Variants in RTRAF observed in about 807,000 individuals in gnomAD.
RTRAF encodes tRNA-splicing ligase complex subunit RTRAF.
Under a neutral mutation model 34.4 loss-of-function variants are expected in RTRAF, and 14 were observed. That is an observed-to-expected ratio of 0.41 (90% CI 0.27 to 0.64). The LOEUF (loss-of-function observed/expected upper bound fraction) is 0.64. Ranked by LOEUF, RTRAF falls within the 30% of genes least tolerant of loss-of-function variation. RTRAF has a pLI of 0.34. For synonymous variants in RTRAF, 96 were observed against 95.3 expected, an observed-to-expected ratio of 1.01 and a Z score of -0.04; for missense variants, 291 against 288.4, an observed-to-expected ratio of 1.01 and a Z score of -0.06.
At position 52,006,393 on chromosome 14, in the gene RTRAF, C is replaced by A; in HGVS notation, c.*1877C>A. Reference sequence around the variant, plus strand: ...AGGATGAAAAACATCCTTGAAGGATCTTATCTGCCAATGAGGAGGTGATGA... The same window carrying A: ...AGGATGAAAAACATCCTTGAAGGATATTATCTGCCAATGAGGAGGTGATGA... On this transcript the variant is annotated 3_prime_UTR_variant, in exon 8 of 8. Transcript: ENST00000261700. 1 of 821,764 alleles carries A rather than the reference C, an allele frequency of 1.2e-6. No homozygotes were observed. Among genetic ancestry groups the A allele is most frequent in the South Asian group, 1.8e-5 (1 of 56,304 alleles). The allele number at this position is 821,764 out of a possible 1,614,324, so 50.9% of individuals were successfully genotyped here. A position where few individuals can be genotyped will look rare whatever the true frequency, so the allele number is the denominator to read the frequency against.
In RTRAF at chr14:52,005,522, C is replaced by CAGGGTGGTGGGTGAGT; in HGVS notation, c.*1008_*1023dup. On this transcript the variant is annotated 3_prime_UTR_variant, in exon 8 of 8. Transcript: ENST00000261700. ...CTGTGAGAGAAGAGCAGGGGTGGGACAGGGTGGTGGGTGAGTATATTGTAA... is the reference window on the plus strand; with the variant it reads ...CTGTGAGAGAAGAGCAGGGGTGGGACAGGGTGGTGGGTGAGTAGGGTGGTGGGTGAGTATATTGTAA... 2 of 1,594,858 alleles carry CAGGGTGGTGGGTGAGT rather than the reference C, an allele frequency of 1.3e-6. No individual in the cohort carries two copies. Among genetic ancestry groups the CAGGGTGGTGGGTGAGT allele is most frequent in the Non-Finnish European group, 1.7e-6 (2 of 1,172,790 alleles).
intron 1 of RTRAF, 137 bp downstream of exon 1, chr14:51,989,837 G>A: frequency 1.3e-6 from 1 of 776,260 alleles, no homozygotes; most frequent in Non-Finnish European, 2.0e-6. Context: ...CCTCTCCTCT[G>A]GGTCGCCACG....
chr14:52,005,720 T>G lies in RTRAF; in HGVS notation c.*1204T>G, dbSNP rs1173349838. ...ACCCTGCTAATTTAAAGGAGCATCCTAAAGCATACTTTTTACCTGTTGGGC... is the reference window on the plus strand; with the variant it reads ...ACCCTGCTAATTTAAAGGAGCATCCGAAAGCATACTTTTTACCTGTTGGGC... On this transcript the variant is annotated 3_prime_UTR_variant, in exon 8 of 8. Transcript: ENST00000261700. The G allele has an allele frequency of 1.9e-6, 3 of 1,590,892 alleles. No homozygotes were observed. The highest frequency in any genetic ancestry group is 1.1e-5 in the South Asian group (1 of 90,538).
At position 52,005,684 on chromosome 14, in the gene RTRAF, A is replaced by G; in HGVS notation, c.*1168A>G. 1 of 1,455,610 alleles carries G rather than the reference A, an allele frequency of 6.9e-7. No homozygotes were observed. The highest frequency in any genetic ancestry group is 1.4e-5 in the African/African-American group (1 of 71,898). The allele number at this position is 1,455,610 out of a possible 1,614,324, so 90.2% of individuals were successfully genotyped here. A position where few individuals can be genotyped will look rare whatever the true frequency, so the allele number is the denominator to read the frequency against. ...GCAGGGGTAATCAAATACCATATAT[A>G]TCCCTTCTCTACCCTGCTAATTTAA... On this transcript the variant is annotated 3_prime_UTR_variant, in exon 8 of 8. Transcript: ENST00000261700.
intron 4 of RTRAF, chr14:51,999,487 G>T: frequency 2.5e-6 from 1 of 399,924 alleles, no homozygotes; most frequent in Non-Finnish European, 4.5e-6. Flanking sequence ...CTAAGTTGGG[G>T]ACCGTCTCAT....
rs1471066099 is a variant in RTRAF at position 52,009,367 on chromosome 14, A to C, written c.*4851A>C. 1 of 152,228 alleles carries C rather than the reference A, an allele frequency of 6.6e-6. No individual in the cohort carries two copies. Among genetic ancestry groups the C allele is most frequent in the Non-Finnish European group, 1.5e-5 (1 of 68,044 alleles). The allele number at this position is 152,228 out of a possible 1,614,324, so 9.4% of individuals were successfully genotyped here. A position where few individuals can be genotyped will look rare whatever the true frequency, so the allele number is the denominator to read the frequency against. ...GTGTAAATTATTTGGGGATTGCCAG[A>C]GGAAGAAAGTTGTAAAGGTGAAATC... On this transcript the variant is annotated 3_prime_UTR_variant, in exon 8 of 8. Transcript: ENST00000261700.
intron 2 of RTRAF, 57 bp downstream of exon 2, chr14:51,991,498 G>C: frequency 6.5e-7 from 1 of 1,529,794 alleles, no homozygotes; most frequent in Non-Finnish European, 8.9e-7. Context: ...AAATCATGAA[G>C]ATGAGCTTAA....
chr14:51,999,676 G>T (rs377541470), intron 4 of RTRAF, 32 bp from the exon 5 acceptor site: 4 of 1,447,080 alleles, frequency 2.8e-6, no homozygotes, highest in Non-Finnish European at 3.9e-6. Context: ...TTGCAGGGTT[G>T]TAAGTTTTTG....
In RTRAF at chr14:52,006,015, C is replaced by CTTA. The variant is rs1890765358; in HGVS notation, c.*1499_*1500insTTA. 1 of 607,542 alleles carries CTTA rather than the reference C, an allele frequency of 1.6e-6. No individual in the cohort carries two copies. The highest frequency in any genetic ancestry group is 2.8e-5 in the East Asian group (1 of 35,412). The allele number at this position is 607,542 out of a possible 1,614,324, so 37.6% of individuals were successfully genotyped here. A position where few individuals can be genotyped will look rare whatever the true frequency, so the allele number is the denominator to read the frequency against. On this transcript the variant is annotated 3_prime_UTR_variant, in exon 8 of 8. Coordinates refer to ENST00000261700, the MANE Select transcript of RTRAF (RefSeq NM_016039.3). ...AAGTTTGAAGACCATTGCTCTAAAT[C>CTTA]CATTGCTCATCTCTAGCTGCATGTT...
intron 6 of RTRAF, among the ~76,000 whole-genome samples, chr14:52,003,698 G>T (rs1306284796): frequency 6.6e-6 from 1 of 151,914 alleles, no homozygotes; most frequent in Admixed American, 6.6e-5. Context: ...GTCAAGTCTT[G>T]AAAGTTAAAT....
chr14:52,001,756 T>C, intron 5 of RTRAF, 42 bp from the exon 6 acceptor site: 1 of 1,531,200 alleles, frequency 6.5e-7, no homozygotes, highest in East Asian at 2.3e-5. Context: ...GGATGACAGG[T>C]ACACAGCCTA....
intron 4 of RTRAF, chr14:51,999,310 G>A (rs1455932179): frequency 6.3e-6 from 1 of 159,362 alleles, no homozygotes; most frequent in Non-Finnish European, 1.4e-5. Flanking sequence ...ATGTCCCAAA[G>A]TCGAAAATAT....
In RTRAF at chr14:52,005,756, G is replaced by A. The variant is rs1441866096; in HGVS notation, c.*1240G>A. The A allele has an allele frequency of 6.2e-7, 1 of 1,612,936 alleles. No homozygotes were observed. Among genetic ancestry groups the A allele is most frequent in the African/African-American group, 1.3e-5 (1 of 75,030 alleles). On this transcript the variant is annotated 3_prime_UTR_variant, in exon 8 of 8. Transcript: ENST00000261700. ...TTTTACCTGTTGGGCAGTAGGGGTA[G>A]ACTGCAGTTATCCCGTAGAGGTGAG... is the stretch of plus-strand genomic sequence containing the variant.
At chr14:52,001,225 T>A (rs912205870) in intron 5 of RTRAF, among the ~76,000 whole-genome samples, 6 of 151,010 alleles carry the variant, frequency 4.0e-5, no homozygotes, top group Non-Finnish European at 7.4e-5. Flanking sequence ...TCCATTTTTT[T>A]AAAATTTGAT....
intron 1 of RTRAF, among the ~76,000 whole-genome samples, chr14:51,990,921 A>G (rs770936915): frequency 3.9e-5 from 6 of 152,202 alleles, no homozygotes; most frequent in Non-Finnish European, 8.8e-5. Flanking sequence ...TAACACTTAA[A>G]TAGCAAAACT....
At chr14:51,996,084 G>A (rs139143881) in intron 3 of RTRAF, among the ~76,000 whole-genome samples, 8 of 151,930 alleles carry the variant, frequency 5.3e-5, no homozygotes, top group Non-Finnish European at 1.0e-4. Flanking sequence ...ATGTATACCT[G>A]CAGTTGACTT....
chr14:52,002,405 G>A (rs949279282), intron 6 of RTRAF, among the ~76,000 whole-genome samples: 21 of 152,200 alleles, frequency 1.4e-4, no homozygotes, highest in Non-Finnish European at 1.5e-5. Flanking sequence ...CTTACGGTAG[G>A]TGGGGAGAAG....
rs956519349 is a variant in RTRAF at position 52,008,794 on chromosome 14, G to A, written c.*4278G>A. 5.3e-5 allele frequency: 8 copies of A among 152,220 alleles called. No homozygotes were observed. The highest frequency in any genetic ancestry group is 1.9e-4 in the African/African-American group (8 of 41,464). 9.4% of individuals were successfully genotyped at this position (152,220 alleles called of 1,614,324 possible). On this transcript the variant is annotated 3_prime_UTR_variant, in exon 8 of 8. Coordinates refer to ENST00000261700, the MANE Select transcript of RTRAF (RefSeq NM_016039.3). ...GAAGAGATGTGGACCAGGGATTTGA[G>A]AAGGAAACTGTTCTTTCTTCTGCCA...
At position 51,993,789 on chromosome 14, in the gene RTRAF, G is replaced by C; in HGVS notation, c.253G>C (p.Gly85Arg). The change falls in exon 3 of 8, where the codon GGT (glycine) becomes CGT (arginine). Residue 85 changes from glycine (G) to arginine (R), a missense_variant. Transcript: ENST00000261700. ...ACAAGAAGCTATTGACTGGCTTCTT[G>C]GTTTAGCTGTTAGACTTGAATATGG... Reference protein sequence around the residue: ...DRQEAIDWLLGLAVRLEYGDN... With the variant: ...DRQEAIDWLLRLAVRLEYGDN... 6.2e-7 allele frequency: 1 copy of C among 1,601,890 alleles called. No individual in the cohort carries two copies. The highest frequency in any genetic ancestry group is 8.5e-7 in the Non-Finnish European group (1 of 1,174,434).
Sources: gnomAD v4.1 joint callset for allele counts (sites outside exome capture counted in the v4.1 genomes callset) on GRCh38, gnomAD v4.1.1 for gene constraint, MANE v1.5 for transcripts, NCBI Gene and HGNC (gene_info 2026-07-23, HGNC 2026-07-21) for gene names.